CALN1: variants seen among roughly 807,000 people sequenced by gnomAD.
CALN1 encodes the protein calneuron 1.
Under a neutral mutation model 30.6 loss-of-function variants are expected in CALN1, and 17 were observed. The observed-to-expected ratio is 0.56, with a 90% CI of 0.38 to 0.83. The LOEUF (loss-of-function observed/expected upper bound fraction) is 0.83, where lower values mean the gene tolerates loss of function less well. Ranked by LOEUF, CALN1 falls within the 40% of genes least tolerant of loss-of-function variation. The probability of loss-of-function intolerance (pLI) is 0.00; values close to 1 mark genes in which losing one functional copy is unlikely to be tolerated. For missense variants in CALN1, 291 were observed against 354.9 expected, an observed-to-expected ratio of 0.82 and a Z score of 1.45; for synonymous variants, 156 against 131.4, an observed-to-expected ratio of 1.19 and a Z score of -1.28.
At chr7:72,377,679 G>C (rs985750811) in intron 2 of CALN1, among the ~76,000 whole-genome samples, 3 of 152,230 alleles carry the variant, frequency 2.0e-5, no homozygotes, top group East Asian at 1.9e-4. Flanking sequence ...ACTTTGTTCA[G>C]TTAGCTTAGT....
At chr7:72,353,377 T>G (rs1803046417) in intron 2 of CALN1, among the ~76,000 whole-genome samples, 2 of 152,162 alleles carry the variant, frequency 1.3e-5, no homozygotes, top group African/African-American at 4.8e-5. Flanking sequence ...ATAAGACATC[T>G]TGACAAGGTG....
At chr7:72,217,801 G>C (rs1792943254) in intron 3 of CALN1, among the ~76,000 whole-genome samples, 1 of 147,662 alleles carries the variant, frequency 6.8e-6, no homozygotes, top group African/African-American at 2.5e-5. Context: ...AATATAGCGA[G>C]ATCCCCCAAC....
intron 5 of CALN1, among the ~76,000 whole-genome samples, chr7:71,912,916 C>A (rs1794497951): frequency 6.6e-6 from 1 of 152,196 alleles, no homozygotes. Flanking sequence ...CCACTACCGA[C>A]TTGACGGACT....
intron 2 of CALN1, among the ~76,000 whole-genome samples, chr7:72,317,327 A>G (rs911432293): frequency 2.6e-5 from 4 of 152,060 alleles, no homozygotes; most frequent in African/African-American, 9.7e-5. Flanking sequence ...CCAAATGAGA[A>G]AGCAAAAATG....
upstream of CALN1, among the ~76,000 whole-genome samples, chr7:72,413,667 ACT>A (rs1171978845): frequency 2.0e-5 from 3 of 151,936 alleles, no homozygotes; most frequent in Non-Finnish European, 2.9e-5. Flanking sequence ...TTATGCACAC[ACT>A]CATACACATA....
At chr7:72,150,290 T>G (rs1383932531) in intron 3 of CALN1, among the ~76,000 whole-genome samples, 1 of 152,176 alleles carries the variant, frequency 6.6e-6, no homozygotes, top group Non-Finnish European at 1.5e-5. Context: ...AAAAGGAAAC[T>G]GAGTTATAAA....
At chr7:71,957,158 T>C (rs1797003554) in intron 5 of CALN1, among the ~76,000 whole-genome samples, 1 of 152,114 alleles carries the variant, frequency 6.6e-6, no homozygotes, top group African/African-American at 2.4e-5. Flanking sequence ...GATGCTGAAG[T>C]AATCAAGCAG....
chr7:71,883,940 A>G (rs35708009), intron 5 of CALN1, among the ~76,000 whole-genome samples: 19,059 of 151,988 alleles, frequency 0.13, 1,772 homozygotes, highest in East Asian at 0.43. Flanking sequence ...TTTCTTTGAC[A>G]GAGTCTCTCT....
intron 3 of CALN1, among the ~76,000 whole-genome samples, chr7:72,169,486 A>AT (rs142493846): frequency 0.38 from 40,214 of 105,206 alleles, 6,163 homozygotes; most frequent in Non-Finnish European, 0.4. Context: ...CACCCAGCTG[A>AT]TTATTTTTTT....
chr7:71,915,328 A>G (rs1794633082), intron 5 of CALN1, among the ~76,000 whole-genome samples: 1 of 152,206 alleles, frequency 6.6e-6, no homozygotes, highest in African/African-American at 2.4e-5. Context: ...TGAACCAATT[A>G]AGTTTTTGAC....
At chr7:71,918,704 G>C (rs764565966) in intron 5 of CALN1, among the ~76,000 whole-genome samples, 26 of 152,174 alleles carry the variant, frequency 1.7e-4, no homozygotes, top group Non-Finnish European at 5.9e-5. Flanking sequence ...ACCTAAAGCA[G>C]CCTAGACCAA....
At chr7:72,417,780 G>T (rs1216681478) in intron 1 of CALN1, among the ~76,000 whole-genome samples, 1 of 152,100 alleles carries the variant, frequency 6.6e-6, no homozygotes, top group Non-Finnish European at 1.5e-5. Flanking sequence ...TCATCAGTGG[G>T]TTTGAGGTAA....
chr7:72,209,334 T>C (rs1188350151), intron 3 of CALN1, among the ~76,000 whole-genome samples: 57 of 61,324 alleles, frequency 9.3e-4, no homozygotes, highest in Middle Eastern at 8.3e-3. Flanking sequence ...CCCTCTTTCC[T>C]TCCCTCTTTC....
chr7:72,293,604 C>T (rs545071240), intron 2 of CALN1, among the ~76,000 whole-genome samples: 19 of 152,074 alleles, frequency 1.2e-4, no homozygotes, highest in Non-Finnish European at 2.6e-4. Flanking sequence ...GAGAAAAAGG[C>T]AGATAAATCC....
chr7:72,201,839 A>C (rs1391333575), intron 3 of CALN1, among the ~76,000 whole-genome samples: 1 of 152,086 alleles, frequency 6.6e-6, no homozygotes, highest in African/African-American at 2.4e-5. Context: ...CTCTAGCCTT[A>C]GAAGTGGAAC....
chr7:72,413,104 G>A (rs1026514813), upstream of CALN1, among the ~76,000 whole-genome samples: 15 of 152,086 alleles, frequency 9.9e-5, no homozygotes, highest in Non-Finnish European at 5.9e-5. Flanking sequence ...GGCAGGTTCT[G>A]TTAGACACAT....
chr7:72,426,956 T>C (rs767966960), intron 1 of CALN1, among the ~76,000 whole-genome samples: 9 of 152,134 alleles, frequency 5.9e-5, no homozygotes, highest in Non-Finnish European at 1.0e-4. Context: ...CCCATTGGCC[T>C]TCCTGCCTAT....
At chr7:72,343,417 G>A (rs781040775) in intron 2 of CALN1, among the ~76,000 whole-genome samples, 7 of 152,026 alleles carry the variant, frequency 4.6e-5, no homozygotes, top group Non-Finnish European at 7.4e-5. Context: ...GCATGGTGGC[G>A]CATGCCTGTA....
At chr7:72,501,928 A>ATATATATATATATAT in the CALN1 span, among the ~76,000 whole-genome samples, 1 of 57,968 alleles carries the variant, frequency 1.7e-5, no homozygotes, top group Non-Finnish European at 3.1e-5. Flanking sequence ...AAAAAAAAAA[A>ATATATATATATATAT]ATATATATAT....
Sources: allele counts gnomAD v4.1 joint callset (sites outside exome capture counted in the v4.1 genomes callset), GRCh38; gene constraint gnomAD v4.1.1; transcripts MANE v1.5; gene names NCBI Gene and HGNC (gene_info 2026-07-23, HGNC 2026-07-21).